Variants in LZTFL1 observed in about 807,000 individuals in gnomAD.
LZTFL1 encodes leucine zipper transcription factor like 1, also known as leucine zipper transcription factor-like protein 1.
A neutral mutation model predicts 45.9 loss-of-function variants in LZTFL1; 25 were observed. The ratio of observed to expected loss-of-function variants is 0.54; its 90% CI spans 0.40 to 0.76. LZTFL1 has a LOEUF of 0.76. Among genes scored for constraint, LZTFL1 ranks in the 30% least tolerant of loss-of-function variants. LZTFL1 has a pLI of 0.00. For missense variants in LZTFL1, 277 were observed against 331.1 expected, an observed-to-expected ratio of 0.84 and a Z score of 1.27; for synonymous variants, 93 against 117.4, an observed-to-expected ratio of 0.79 and a Z score of 1.35.
intron 2 of LZTFL1, among the ~76,000 whole-genome samples, chr3:45,910,475 T>G (rs1316098441): frequency 6.6e-6 from 1 of 152,162 alleles, no homozygotes; most frequent in East Asian, 1.9e-4. Flanking sequence ...ATGGTAGCCA[T>G]GAGCATGGGA....
rs1701799589 is a variant in LZTFL1 at position 45,878,848 on chromosome 3, A to T, written c.-214-19832T>A. ...GTAATCCCAGCACTTTGGGAGGCTG[A>T]GGCGGGCAGATCACGAGGTCAGGAG... On this transcript the variant is annotated intron_variant, in intron 2 of 4. Transcript: ENST00000472635. Among the ~76,000 whole-genome samples the T allele has an allele frequency of 2.0e-5, 3 of 152,374 alleles. No homozygotes were observed. The South Asian group carries it at 6.2e-4, about 32-fold the overall frequency.
intron 2 of LZTFL1, among the ~76,000 whole-genome samples, chr3:45,895,695 C>T (rs984039521): frequency 6.8e-6 from 1 of 147,098 alleles, no homozygotes; most frequent in African/African-American, 2.5e-5. Context: ...GCCTGGGCAA[C>T]AGAGCGAGAC....
At chr3:45,895,841 T>C (rs749404627) in intron 2 of LZTFL1, among the ~76,000 whole-genome samples, 1 of 152,210 alleles carries the variant, frequency 6.6e-6, no homozygotes, top group Non-Finnish European at 1.5e-5. Flanking sequence ...ATAAATGCCT[T>C]ATAAAATTAC....
intron 2 of LZTFL1, among the ~76,000 whole-genome samples, chr3:45,865,854 C>A (rs1336949267): frequency 6.6e-6 from 1 of 152,150 alleles, no homozygotes; most frequent in Non-Finnish European, 1.5e-5. Flanking sequence ...TTTATAACAG[C>A]GTTGTCTGTA....
intron 2 of LZTFL1, among the ~76,000 whole-genome samples, chr3:45,879,338 A>G (rs1010797700): frequency 2.2e-4 from 33 of 152,364 alleles, no homozygotes; most frequent in African/African-American, 7.0e-4. Context: ...CTAAAAAGAA[A>G]TGAGCTAGCA....
At chr3:45,914,333 C>T (rs1702856207) in intron 1 of LZTFL1, among the ~76,000 whole-genome samples, 1 of 149,730 alleles carries the variant, frequency 6.7e-6, no homozygotes. Flanking sequence ...GTCCCCCAGG[C>T]TGGAGTGCAG....
At chr3:45,891,215 G>T (rs1702170460) in intron 2 of LZTFL1, among the ~76,000 whole-genome samples, 1 of 152,204 alleles carries the variant, frequency 6.6e-6, no homozygotes, top group Admixed American at 6.5e-5. Context: ...GGAGGCTGGG[G>T]CTACTCATTT....
At chr3:45,826,439 G>A in intron 9 of LZTFL1, 107 bp from the exon 10 acceptor site, 1 of 904,406 alleles carries the variant, frequency 1.1e-6, no homozygotes, top group Non-Finnish European at 1.8e-6. Context: ...TCAAATTACT[G>A]TTACGGTAGA....
At chr3:45,841,659 C>T (rs977797015) in intron 1 of LZTFL1, 1 of 482,718 alleles carries the variant, frequency 2.1e-6, no homozygotes, top group African/African-American at 1.9e-5. Context: ...TGCCGTGCAC[C>T]TTAGGCCGGC....
chr3:45,842,109 T>C lies in LZTFL1; in HGVS notation c.-118A>G. ...AAATGGGGAAGGAGGGTAGGTTGTT[T>C]AGAAGCCTCTGGTTGCTAACGGAAA... is the stretch of plus-strand genomic sequence containing the variant. On this transcript the variant is annotated 5_prime_UTR_variant, in exon 1 of 10. Coordinates refer to ENST00000296135, the MANE Select transcript of LZTFL1 (RefSeq NM_020347.4). 1.9e-6 allele frequency: 3 copies of C among 1,546,308 alleles called. No individual in the cohort carries two copies. The highest frequency in any genetic ancestry group is 2.4e-5 in the East Asian group (1 of 41,366).
intron 2 of LZTFL1, among the ~76,000 whole-genome samples, chr3:45,868,787 A>G (rs1701620545): frequency 6.6e-6 from 1 of 152,174 alleles, no homozygotes; most frequent in Non-Finnish European, 1.5e-5. Context: ...TGTCTCATCA[A>G]GCCCTTATGG....
At chr3:45,853,128 T>C (rs1398540809) in intron 4 of LZTFL1, among the ~76,000 whole-genome samples, 2 of 152,372 alleles carry the variant, frequency 1.3e-5, no homozygotes, top group South Asian at 2.1e-4. Flanking sequence ...TGTGGTCGAT[T>C]AATTGTTTCA....
At chr3:45,904,615 CT>C (rs1702642355) in intron 2 of LZTFL1, among the ~76,000 whole-genome samples, 2 of 152,326 alleles carry the variant, frequency 1.3e-5, no homozygotes, top group African/African-American at 4.8e-5. Flanking sequence ...TCTTGTGGAC[CT>C]TCCCCCAGGC....
chr3:45,882,477 G>A (rs1180949089), intron 2 of LZTFL1, among the ~76,000 whole-genome samples: 1 of 152,182 alleles, frequency 6.6e-6, no homozygotes, highest in Non-Finnish European at 1.5e-5. Flanking sequence ...TAAGGAAGGA[G>A]GAGAACAAGA....
intron 2 of LZTFL1, among the ~76,000 whole-genome samples, chr3:45,882,539 G>A (rs768607037): frequency 6.6e-6 from 1 of 152,194 alleles, no homozygotes; most frequent in Non-Finnish European, 1.5e-5. Context: ...GTAGAGGACT[G>A]AAGTAAAATT....
chr3:45,866,434 A>G (rs1701579175), intron 2 of LZTFL1, among the ~76,000 whole-genome samples: 1 of 152,214 alleles, frequency 6.6e-6, no homozygotes, highest in South Asian at 2.1e-4. Flanking sequence ...TTTTTCTTCC[A>G]GGAAAGTTTC....
In LZTFL1 at chr3:45,901,527, T is replaced by G; in HGVS notation, c.-215+11593A>C. On this transcript the variant is annotated intron_variant, in intron 2 of 4. Coordinates refer to the LZTFL1 transcript ENST00000472635. This position sits in a 1 kb window ranked among gnomAD's most constrained non-coding sequence, Gnocchi z 4.3. ...TCACACCCTGATACAAGCCAAGAAG[T>G]CTTCCAAGCACAAAGCCCTAAAAGT... is the stretch of plus-strand genomic sequence containing the variant. 1 of 1,614,206 alleles carries G rather than the reference T, an allele frequency of 6.2e-7. No homozygotes were observed. The highest frequency in any genetic ancestry group is 8.5e-7 in the Non-Finnish European group (1 of 1,180,024).
At chr3:45,897,481 C>A in intron 2 of LZTFL1, 2 of 855,374 alleles carry the variant, frequency 2.3e-6, no homozygotes, top group Non-Finnish European at 3.8e-6. Flanking sequence ...TTAGCTGTGC[C>A]TGCTCACCGG....
chr3:45,903,398 A>T (rs534626751), intron 2 of LZTFL1: 5 of 152,264 alleles, frequency 3.3e-5, no homozygotes, highest in Admixed American at 6.5e-5. Context: ...CCTCTGTCCA[A>T]ACTTACTCCT....
Sources: gnomAD v4.1 joint callset for allele counts (sites outside exome capture counted in the v4.1 genomes callset) on GRCh38, gnomAD v4.1.1 for gene constraint, Gnocchi (gnomAD v3.1) non-coding constraint, MANE v1.5 for transcripts, NCBI Gene and HGNC (gene_info 2026-07-23, HGNC 2026-07-21) for gene names.